SYT16: variants seen among roughly 807,000 people sequenced by gnomAD.
SYT16 encodes the protein synaptotagmin 16.
In SYT16, 42 loss-of-function variants were observed where a neutral mutation model predicts 61.4. The ratio of observed to expected loss-of-function variants is 0.68; its 90% CI spans 0.53 to 0.89. The LOEUF is 0.89. Among genes scored for constraint, SYT16 ranks in the 40% least tolerant of loss-of-function variants. The pLI is 0.00. For synonymous variants in SYT16, 314 were observed against 302.3 expected, an observed-to-expected ratio of 1.04 and a Z score of -0.40; for missense variants, 804 against 807.3, an observed-to-expected ratio of 1.00 and a Z score of 0.05.
chr14:62,078,511 C>G (rs1227293135), intron 5 of SYT16, among the ~76,000 whole-genome samples: 1 of 152,134 alleles, frequency 6.6e-6, no homozygotes, highest in Non-Finnish European at 1.5e-5. Flanking sequence ...TTGGGTTCCT[C>G]AAAAAAGCAG....
At chr14:61,846,361 T>C (rs2046445922) in intron 1 of SYT16, among the ~76,000 whole-genome samples, 1 of 152,180 alleles carries the variant, frequency 6.6e-6, no homozygotes, top group African/African-American at 2.4e-5. Flanking sequence ...CATATGTATT[T>C]AAAGTTGTTA....
chr14:61,839,399 T>G (rs1354674168), intron 1 of SYT16, among the ~76,000 whole-genome samples: 1 of 152,194 alleles, frequency 6.6e-6, no homozygotes, highest in African/African-American at 2.4e-5. Context: ...TTTCCATTCT[T>G]CGTAAACTAC....
chr14:62,032,716 A>C (rs1595208203), intron 3 of SYT16, among the ~76,000 whole-genome samples: 1 of 114,154 alleles, frequency 8.8e-6, no homozygotes. Context: ...TACAGTTAGT[A>C]AAAAAAAAAA....
intron 7 of SYT16, among the ~76,000 whole-genome samples, chr14:62,086,857 C>G (rs1201685136): frequency 6.6e-6 from 1 of 151,972 alleles, no homozygotes; most frequent in Non-Finnish European, 1.5e-5. Context: ...TCTTTGCAAC[C>G]CATGGAATAG....
rs1023485485 is a variant in SYT16, at chr14:62,102,970, C to T, written c.*2263C>T. ...CGCACCATTTTAAGGGAAGGAATGCCTGAAAACATTTTTTATTTTTATAAT... is the reference window on the plus strand; with the variant it reads ...CGCACCATTTTAAGGGAAGGAATGCTTGAAAACATTTTTTATTTTTATAAT... On this transcript the variant is annotated 3_prime_UTR_variant, in exon 8 of 8. Transcript: ENST00000683842. 3 of 152,094 alleles carry T rather than the reference C, an allele frequency of 2.0e-5. No individual in the cohort carries two copies. In the South Asian group the frequency reaches 6.2e-4, roughly 32 times the overall value. 9.4% of individuals were successfully genotyped at this position (152,094 alleles called of 1,614,324 possible).
Position 62,108,769 on chromosome 14 carries a change from A to T in SYT16, c.*8062A>T, listed in dbSNP as rs1429779760. On this transcript the variant is annotated 3_prime_UTR_variant, in exon 8 of 8. Transcript: ENST00000683842. The stretch of plus-strand genomic sequence containing the variant: ...GAAATTAGTATTTGTATACCTTATT[A>T]TGACAGAGGTTTCTGTTACAATATT... 1 of 152,204 alleles carries T rather than the reference A, an allele frequency of 6.6e-6. No individual in the cohort carries two copies. The highest frequency in any genetic ancestry group is 1.5e-5 in the Non-Finnish European group (1 of 68,026). The allele number at this position is 152,204 out of a possible 1,614,324, so 9.4% of individuals were successfully genotyped here. A position where few individuals can be genotyped will look rare whatever the true frequency, so the allele number is the denominator to read the frequency against.
At chr14:61,864,444 G>A (rs1460495992) in intron 1 of SYT16, among the ~76,000 whole-genome samples, 1 of 152,260 alleles carries the variant, frequency 6.6e-6, no homozygotes, top group Non-Finnish European at 1.5e-5. Context: ...CGTGCTAGTC[G>A]TGGGCTGCGG....
rs547056782 is a variant in SYT16 at position 61,853,260 on chromosome 14, T to G, written c.-325+40450T>G. Among the ~76,000 whole-genome samples, 23 of 152,308 alleles carry G rather than the reference T, an allele frequency of 1.5e-4. No homozygotes were observed. In the South Asian group the frequency reaches 4.8e-3, roughly 32 times the overall value. ...GTCCCAAACAGACAGAGCTTTAAAG[T>G]CAGAAGAATTAAAATTGTTTTGGAC... On this transcript the variant is annotated intron_variant, in intron 1 of 7. Transcript: ENST00000683842.
rs1251356104 is a variant in SYT16, at chr14:61,994,778, G to C, written c.-144-1098G>C. Among the ~76,000 whole-genome samples the C allele has an allele frequency of 5.3e-5, 8 of 152,190 alleles. No homozygotes were observed. In the South Asian group the frequency reaches 1.4e-3, roughly 28 times the overall value. Reference sequence around the variant, plus strand: ...TCAGGATTACCTTATCCCTGGCATTGTGCCAGCATTTAATAGATAATCAAT... The same window carrying C: ...TCAGGATTACCTTATCCCTGGCATTCTGCCAGCATTTAATAGATAATCAAT... On this transcript the variant is annotated intron_variant, in intron 2 of 7. Coordinates refer to ENST00000683842, the MANE Select transcript of SYT16 (RefSeq NM_001367656.1).
At chr14:61,831,221 AAGG>A (rs2045926544) in intron 1 of SYT16, among the ~76,000 whole-genome samples, 1 of 152,216 alleles carries the variant, frequency 6.6e-6, no homozygotes, top group Admixed American at 6.5e-5. Flanking sequence ...AAAAGTGCCA[AAGG>A]TGAGAAACCC....
At chr14:61,880,469 G>T (rs1192354091) in intron 1 of SYT16, among the ~76,000 whole-genome samples, 4 of 152,044 alleles carry the variant, frequency 2.6e-5, no homozygotes, top group Non-Finnish European at 5.9e-5. Flanking sequence ...ACTATTTCAT[G>T]TGCATTTTAG....
At chr14:61,829,326 T>G (rs1238078124) in intron 1 of SYT16, among the ~76,000 whole-genome samples, 1 of 152,228 alleles carries the variant, frequency 6.6e-6, no homozygotes, top group African/African-American at 2.4e-5. Flanking sequence ...TCTGACTGCT[T>G]TCAAGATTTT....
chr14:61,875,082 G>A (rs1463145451), intron 1 of SYT16, among the ~76,000 whole-genome samples: 5 of 152,146 alleles, frequency 3.3e-5, no homozygotes, highest in Admixed American at 3.3e-4. Context: ...GGAATTTTAG[G>A]CGTACTAAAT....
intron 1 of SYT16, among the ~76,000 whole-genome samples, chr14:61,923,830 A>C (rs2049432369): frequency 6.6e-6 from 1 of 152,192 alleles, no homozygotes; most frequent in Non-Finnish European, 1.5e-5. Flanking sequence ...CAAAACCAAC[A>C]TATTATTAGC....
At chr14:61,837,278 C>T (rs2046160923) in intron 1 of SYT16, among the ~76,000 whole-genome samples, 1 of 146,786 alleles carries the variant, frequency 6.8e-6, no homozygotes, top group East Asian at 2.0e-4. Flanking sequence ...GCTCTGTTGA[C>T]CAGGCTGGAG....
intron 3 of SYT16, among the ~76,000 whole-genome samples, chr14:62,001,219 ATTATTT>A (rs2053002149): frequency 6.6e-6 from 1 of 152,140 alleles, no homozygotes; most frequent in Non-Finnish European, 1.5e-5. Flanking sequence ...AAATATTTTA[ATTATTT>A]TTATTTATTA....
intron 3 of SYT16, among the ~76,000 whole-genome samples, chr14:62,006,029 T>C (rs796260749): frequency 1.9e-4 from 29 of 152,238 alleles, no homozygotes; most frequent in African/African-American, 6.7e-4. Flanking sequence ...CTCACTGATG[T>C]GATAGAGCCC....
chr14:62,041,540 T>TC (rs1365536946), intron 3 of SYT16, among the ~76,000 whole-genome samples: 1 of 152,180 alleles, frequency 6.6e-6, no homozygotes, highest in Non-Finnish European at 1.5e-5. Flanking sequence ...GGAGTCTTGC[T>TC]CTGTCGCCTG....
At chr14:61,872,463 TA>T (rs1442683648) in intron 1 of SYT16, among the ~76,000 whole-genome samples, 5 of 152,206 alleles carry the variant, frequency 3.3e-5, no homozygotes, top group Non-Finnish European at 5.9e-5. Flanking sequence ...TATCTAAATT[TA>T]AAAGTTCTTA....
Sources: gnomAD v4.1 joint callset for allele counts (sites outside exome capture counted in the v4.1 genomes callset) on GRCh38, gnomAD v4.1.1 for gene constraint, MANE v1.5 for transcripts, NCBI Gene and HGNC (gene_info 2026-07-23, HGNC 2026-07-21) for gene names.